The following GLIS1 variants were observed in gnomAD, a reference collection of about 807,000 sequenced individuals.
GLIS1 encodes zinc finger protein GLIS1.
Under a neutral mutation model 63.8 loss-of-function variants are expected in GLIS1, and 24 were observed. The observed-to-expected ratio is 0.38, with a 90% CI of 0.27 to 0.53. GLIS1 has a LOEUF of 0.53. Ranked by LOEUF, GLIS1 falls within the 20% of genes least tolerant of loss-of-function variation. GLIS1 has a pLI of 0.85. For missense variants in GLIS1, 1,036 were observed against 1,074.1 expected (o/e 0.96, Z 0.50); for synonymous variants, 450 against 482.5 (o/e 0.93, Z 0.88).
chr1:53,514,548 G>A (rs916571417), intron 8 of GLIS1, 77 bp downstream of exon 8: 22 of 1,442,116 alleles, frequency 1.5e-5, no homozygotes, highest in South Asian at 4.9e-5. Context: ...TAGATAGTGC[G>A]GGACACCTGC....
chr1:53,683,753 G>A (rs1646301249), intron 2 of GLIS1, among the ~76,000 whole-genome samples: 1 of 152,162 alleles, frequency 6.6e-6, no homozygotes, highest in African/African-American at 2.4e-5. Context: ...GGGTACCCTG[G>A]GGAGGTACTG....
At chr1:53,678,670 C>T (rs1019885962) in intron 2 of GLIS1, among the ~76,000 whole-genome samples, 2 of 152,156 alleles carry the variant, frequency 1.3e-5, no homozygotes, top group African/African-American at 4.8e-5. Flanking sequence ...CTGCTGAGTT[C>T]GAGCCCTGAG....
chr1:53,708,574 A>T (rs1179896782), intron 2 of GLIS1, among the ~76,000 whole-genome samples: 1 of 151,988 alleles, frequency 6.6e-6, no homozygotes, highest in Non-Finnish European at 1.5e-5. Context: ...TGTGCACGGG[A>T]CTGGTGTCGC....
chr1:53,651,964 A>C (rs1452850125), intron 2 of GLIS1, among the ~76,000 whole-genome samples: 5 of 152,062 alleles, frequency 3.3e-5, no homozygotes, highest in African/African-American at 4.8e-5. Flanking sequence ...ACTCAGGGTG[A>C]ATGAGACAAA....
At chr1:53,622,735 A>AAAG (rs1181669913) in intron 2 of GLIS1, among the ~76,000 whole-genome samples, 3 of 152,180 alleles carry the variant, frequency 2.0e-5, no homozygotes, top group African/African-American at 7.2e-5. Context: ...CCAAAGAGGC[A>AAAG]AAGATTCTCC....
intron 2 of GLIS1, among the ~76,000 whole-genome samples, chr1:53,721,435 C>T (rs927317861): frequency 6.6e-6 from 1 of 152,072 alleles, no homozygotes; most frequent in East Asian, 1.9e-4. Context: ...GTAAACACCA[C>T]GTAAAGTTTA....
chr1:53,543,814 T>C (rs1027393339), intron 4 of GLIS1, among the ~76,000 whole-genome samples: 2 of 152,016 alleles, frequency 1.3e-5, no homozygotes, highest in African/African-American at 2.4e-5. Context: ...GAAGTGGTCA[T>C]CTGCCGGCCA....
At chr1:53,675,278 T>C (rs1181731764) in intron 2 of GLIS1, among the ~76,000 whole-genome samples, 1 of 152,206 alleles carries the variant, frequency 6.6e-6, no homozygotes, top group East Asian at 1.9e-4. Flanking sequence ...CTTGCTTTAA[T>C]CCTAGCAAGG....
rs1049056892 is a variant in GLIS1 at position 53,539,072 on chromosome 1, C to A, written c.1321-9120G>T. On this transcript the variant is annotated intron_variant, in intron 4 of 10. Transcript: ENST00000628545. The surrounding 1 kb of genome is among the most constrained non-coding windows in gnomAD (Gnocchi z 5.0). The stretch of plus-strand genomic sequence containing the variant: ...ATGAGGAAAGAGGCTCTGCCAGGGG[C>A]CAGGGCTCCGCAGAGAGCACACAGC... Among the ~76,000 whole-genome samples the A allele has an allele frequency of 3.3e-5, 5 of 152,004 alleles. No homozygotes were observed. Among genetic ancestry groups the A allele is most frequent in the Non-Finnish European group, 7.4e-5 (5 of 67,972 alleles).
At chr1:53,652,168 G>A (rs1201363847) in intron 2 of GLIS1, among the ~76,000 whole-genome samples, 1 of 152,202 alleles carries the variant, frequency 6.6e-6, no homozygotes, top group Non-Finnish European at 1.5e-5. Context: ...TGTGAATTCT[G>A]TGTGTCCCTG....
rs191448739 is a variant in GLIS1, at chr1:53,622,301, G to A, written c.260-22023C>T. Among the ~76,000 whole-genome samples, 8 of 151,852 alleles carry A rather than the reference G, an allele frequency of 5.3e-5. No homozygotes were observed. The South Asian group carries it at 1.5e-3, about 28-fold the overall frequency. ...ATACTAGCTGGGTGTGGTGGTGTGC[G>A]CCTGTAATCCCAGCTACTCGGGAGA... is the stretch of plus-strand genomic sequence containing the variant. On this transcript the variant is annotated intron_variant, in intron 2 of 10. Coordinates refer to ENST00000628545, the MANE Select transcript of GLIS1 (RefSeq NM_001367484.1).
At chr1:53,555,784 A>ATG (rs1644813584) in intron 4 of GLIS1, among the ~76,000 whole-genome samples, 1 of 106,058 alleles carries the variant, frequency 9.4e-6, no homozygotes. Context: ...TACTGTAGGT[A>ATG]TGTGTGTGCA....
At chr1:53,576,663 T>A (rs2950249) in intron 4 of GLIS1, among the ~76,000 whole-genome samples, 1 of 152,124 alleles carries the variant, frequency 6.6e-6, no homozygotes, top group South Asian at 2.1e-4. Flanking sequence ...CAGCTCCGCC[T>A]TCCTGGATTC....
At chr1:53,525,097 G>C (rs929034060) in intron 5 of GLIS1, among the ~76,000 whole-genome samples, 1 of 152,130 alleles carries the variant, frequency 6.6e-6, no homozygotes, top group Non-Finnish European at 1.5e-5. Context: ...CACCATCCTG[G>C]GACCTCAGGT....
chr1:53,534,949 C>A (rs572770609), intron 4 of GLIS1, among the ~76,000 whole-genome samples: 1 of 152,132 alleles, frequency 6.6e-6, no homozygotes, highest in African/African-American at 2.4e-5. Context: ...CACAGAGGAG[C>A]TCAGCCCTGA....
intron 2 of GLIS1, among the ~76,000 whole-genome samples, chr1:53,631,600 G>A (rs1645652692): frequency 6.6e-6 from 1 of 152,144 alleles, no homozygotes. Context: ...TCTTCTAACA[G>A]GGGACATAAA....
At chr1:53,517,654 C>A (rs1360860151) in intron 7 of GLIS1, among the ~76,000 whole-genome samples, 1 of 151,894 alleles carries the variant, frequency 6.6e-6, no homozygotes, top group Non-Finnish European at 1.5e-5. Flanking sequence ...GGTGGGGGGT[C>A]TCCTGTGCAG....
intron 4 of GLIS1, 72 bp downstream of exon 4, chr1:53,594,036 C>T: frequency 6.6e-7 from 1 of 1,510,736 alleles, no homozygotes; most frequent in Non-Finnish European, 8.9e-7. Context: ...GGCGGCCTCT[C>T]CTGGGGCACT....
In GLIS1 at chr1:53,511,609, G is replaced by A. The variant is rs555761282; in HGVS notation, c.1884-1582C>T. 6.6e-6 allele frequency among the ~76,000 whole-genome samples: 1 copy of A among 152,312 alleles called. No individual in the cohort carries two copies. The highest frequency in any genetic ancestry group is 2.1e-4 in the South Asian group (1 of 4,826). ...TGTCACTGTTTTAAGTTCATGAGAC[G>A]AATCCTCATCACACCTCCAGGAATA... On this transcript the variant is annotated intron_variant, in intron 8 of 10. Coordinates refer to ENST00000628545, the MANE Select transcript of GLIS1 (RefSeq NM_001367484.1). This position sits in a 1 kb window ranked among gnomAD's most constrained non-coding sequence, Gnocchi z 4.2.
Sources: gnomAD v4.1 joint callset for allele counts (sites outside exome capture counted in the v4.1 genomes callset) on GRCh38, gnomAD v4.1.1 for gene constraint, Gnocchi (gnomAD v3.1) non-coding constraint, MANE v1.5 for transcripts, NCBI Gene and HGNC (gene_info 2026-07-23, HGNC 2026-07-21) for gene names.